CACNA2D3: variants seen among roughly 807,000 people sequenced by gnomAD.
CACNA2D3 encodes voltage-dependent calcium channel subunit alpha-2/delta-3.
In CACNA2D3, 60 loss-of-function variants were observed where a neutral mutation model predicts 160.6. That is an observed-to-expected ratio of 0.37 (90% CI 0.30 to 0.46). The LOEUF (loss-of-function observed/expected upper bound fraction) is 0.46, where lower values mean the gene tolerates loss of function less well. Ranked by LOEUF, CACNA2D3 falls within the 20% of genes least tolerant of loss-of-function variation. The pLI is 1.00. For missense variants in CACNA2D3, 1,205 were observed against 1,365.0 expected (o/e 0.88, Z 1.85); for synonymous variants, 558 against 492.9 (o/e 1.13, Z -1.75).
chr3:54,718,885 A>G (rs1256715674), intron 11 of CACNA2D3, among the ~76,000 whole-genome samples: 1 of 152,004 alleles, frequency 6.6e-6, no homozygotes, highest in Non-Finnish European at 1.5e-5. Flanking sequence ...CATTTTTCCT[A>G]AGGTTTATTA....
chr3:54,882,388 C>G (rs1221507884), intron 21 of CACNA2D3, among the ~76,000 whole-genome samples: 2 of 152,166 alleles, frequency 1.3e-5, no homozygotes, highest in Admixed American at 1.3e-4. Flanking sequence ...CTCTCTCTCT[C>G]ACACACACAT....
chr3:54,711,718 A>G (rs1700956631), intron 11 of CACNA2D3, among the ~76,000 whole-genome samples: 1 of 152,092 alleles, frequency 6.6e-6, no homozygotes, highest in Non-Finnish European at 1.5e-5. Flanking sequence ...CAAAGTTGGG[A>G]CTCTGGGAAA....
chr3:55,073,755 A>G (rs1704875045), intron 36 of CACNA2D3, 22 bp from the exon 37 acceptor site: 1 of 1,599,718 alleles, frequency 6.3e-7, no homozygotes. Flanking sequence ...ATCCTTGGAA[A>G]CATGCCTTAA....
chr3:54,290,237 A>G (rs1703154114), intron 2 of CACNA2D3, among the ~76,000 whole-genome samples: 2 of 152,244 alleles, frequency 1.3e-5, no homozygotes, highest in Non-Finnish European at 2.9e-5. Flanking sequence ...CCCCATCAGA[A>G]AGTGGGCGAA....
intron 11 of CACNA2D3, among the ~76,000 whole-genome samples, chr3:54,697,479 A>G (rs1700685800): frequency 6.6e-6 from 1 of 152,084 alleles, no homozygotes; most frequent in East Asian, 1.9e-4. Flanking sequence ...CTAATCCTAC[A>G]GTTTCCAAGG....
chr3:54,587,157 C>G (rs1238366015), intron 9 of CACNA2D3, among the ~76,000 whole-genome samples: 3 of 151,636 alleles, frequency 2.0e-5, no homozygotes, highest in Non-Finnish European at 4.4e-5. Flanking sequence ...AATAAAGAGC[C>G]AAACTCAACT....
intron 25 of CACNA2D3, among the ~76,000 whole-genome samples, chr3:54,893,101 C>G (rs532408349): frequency 6.6e-6 from 1 of 152,202 alleles, no homozygotes; most frequent in South Asian, 2.1e-4. Flanking sequence ...CATGGTGAAA[C>G]CCTGTCTTTA....
intron 35 of CACNA2D3, among the ~76,000 whole-genome samples, chr3:55,070,887 T>C (rs1704789802): frequency 6.6e-6 from 1 of 152,194 alleles, no homozygotes; most frequent in Non-Finnish European, 1.5e-5. Context: ...ATCAGTACTA[T>C]AGGTTCTTTG....
intron 2 of CACNA2D3, among the ~76,000 whole-genome samples, chr3:54,235,658 A>G (rs1024194555): frequency 2.6e-5 from 4 of 152,222 alleles, no homozygotes; most frequent in Admixed American, 6.5e-5. Flanking sequence ...GCTACAAACC[A>G]TATCAGCTCC....
At chr3:55,004,983 A>C (rs1329014526) in intron 32 of CACNA2D3, 145 bp downstream of exon 32, 3 of 624,310 alleles carry the variant, frequency 4.8e-6, no homozygotes, top group Non-Finnish European at 8.3e-6. Flanking sequence ...AAAAAAAAAA[A>C]AAACACTTCA....
chr3:54,367,586 A>G (rs1316094025), intron 3 of CACNA2D3: 1 of 388,672 alleles, frequency 2.6e-6, no homozygotes, highest in Non-Finnish European at 5.2e-6. Context: ...TGGGGGAGTT[A>G]AGGCAAGAGA....
At chr3:54,975,070 C>T (rs967886374) in intron 29 of CACNA2D3, among the ~76,000 whole-genome samples, 3 of 152,186 alleles carry the variant, frequency 2.0e-5, no homozygotes, top group Admixed American at 6.5e-5. Context: ...AGCACTCTGA[C>T]CCCCTAACTC....
At chr3:54,288,672 A>G (rs1703100530) in intron 2 of CACNA2D3, among the ~76,000 whole-genome samples, 1 of 152,188 alleles carries the variant, frequency 6.6e-6, no homozygotes. Context: ...AAATATCCTC[A>G]ATCAAATACT....
chr3:54,392,383 G>A (rs1699296853), intron 4 of CACNA2D3, among the ~76,000 whole-genome samples: 1 of 152,208 alleles, frequency 6.6e-6, no homozygotes, highest in African/African-American at 2.4e-5. Flanking sequence ...TTTGAAAGCT[G>A]TCTCAAATAA....
At chr3:54,314,588 A>T (rs909152360) in intron 2 of CACNA2D3, among the ~76,000 whole-genome samples, 2 of 151,616 alleles carry the variant, frequency 1.3e-5, no homozygotes, top group African/African-American at 4.9e-5. Context: ...GATTTTTTTG[A>T]TTATGGCCAT....
At chr3:54,124,144 C>T (rs1011305322) in intron 2 of CACNA2D3, among the ~76,000 whole-genome samples, 66 of 152,348 alleles carry the variant, frequency 4.3e-4, no homozygotes, top group African/African-American at 1.5e-3. Context: ...TCTTTCCACT[C>T]AGCTGCACTG....
At chr3:54,586,066 C>T (rs1702755110) in intron 9 of CACNA2D3, among the ~76,000 whole-genome samples, 1 of 151,912 alleles carries the variant, frequency 6.6e-6, no homozygotes, top group African/African-American at 2.4e-5. Context: ...AAATCGAGAC[C>T]ATCCTGGCTA....
Position 54,880,857 on chromosome 3 carries a change from G to A in CACNA2D3, c.1906G>A (p.Glu636Lys), listed in dbSNP as rs148102086. 184 of 1,613,646 alleles carry A rather than the reference G, an allele frequency of 1.1e-4. No individual in the cohort carries two copies. The highest frequency in any genetic ancestry group is 1.4e-4 in the Non-Finnish European group (166 of 1,179,602). The change falls in exon 21 of 38, where the codon GAA becomes AAA. Residue 636 changes from glutamate (E) to lysine (K), a missense_variant. This residue lies in a region of CACNA2D3 where 911 missense variants were observed against 1,002.2 expected (regional missense o/e 0.91). Coordinates refer to ENST00000474759, the MANE Select transcript of CACNA2D3 (RefSeq NM_018398.3). ...TTTCTTCCGAGGGAATGTAACCATCGAAGAAGGTAAGATACTGCCTGGCTC... is the reference window on the plus strand; with the variant it reads ...TTTCTTCCGAGGGAATGTAACCATCAAAGAAGGTAAGATACTGCCTGGCTC... Reference protein sequence around the residue: ...KYFFRGNVTIEEGLHDLEHPD... With the variant: ...KYFFRGNVTIKEGLHDLEHPD...
intron 5 of CACNA2D3, among the ~76,000 whole-genome samples, chr3:54,504,594 A>G (rs1701340361): frequency 1.3e-5 from 2 of 152,226 alleles, no homozygotes; most frequent in Admixed American, 1.3e-4. Context: ...CTAAACAAAG[A>G]ACTATCCTCC....
Sources: gnomAD v4.1 joint callset for allele counts (sites outside exome capture counted in the v4.1 genomes callset) on GRCh38, gnomAD v4.1.1 for gene constraint, gnomAD v4.1.1 regional missense constraint, MANE v1.5 for transcripts, NCBI Gene and HGNC (gene_info 2026-07-23, HGNC 2026-07-21) for gene names.